PARVB: variants seen among roughly 807,000 people sequenced by gnomAD.
PARVB encodes the protein beta-parvin.
PARVB carries 46 observed loss-of-function variants against 47.0 expected under a neutral mutation model. That is an observed-to-expected ratio of 0.98 (90% confidence interval 0.77 to 1.25). The LOEUF is 1.25. Ranked by LOEUF, PARVB falls within the 50% of genes most tolerant of loss-of-function variation. PARVB has a pLI of 0.00. For synonymous variants in PARVB, 196 were observed against 196.3 expected, an observed-to-expected ratio of 1.00 and a Z score of 0.01; for missense variants, 473 against 471.6, an observed-to-expected ratio of 1.00 and a Z score of -0.03.
At chr22:44,159,200 C>T (rs186125742) in intron 11 of PARVB, among the ~76,000 whole-genome samples, 7 of 152,318 alleles carry the variant, frequency 4.6e-5, no homozygotes, top group Admixed American at 2.0e-4. Context: ...AGCGAAGAAG[C>T]GCATGCATTT....
chr22:44,039,933 GCCT>G (rs917008569), intron 1 of PARVB: 1 of 449,002 alleles, frequency 2.2e-6, no homozygotes, highest in Non-Finnish European at 4.5e-6. Context: ...TTCTGCCTCA[GCCT>G]CCCAAGGAGC....
At chr22:44,066,746 C>G (rs1355555362) in intron 1 of PARVB, among the ~76,000 whole-genome samples, 2 of 133,556 alleles carry the variant, frequency 1.5e-5, no homozygotes, top group African/African-American at 3.0e-5. Flanking sequence ...TGATGAGAAT[C>G]AAATGAAATG....
chr22:44,119,638 T>G, intron 4 of PARVB: 2 of 416,772 alleles, frequency 4.8e-6, no homozygotes, highest in South Asian at 3.5e-5. Context: ...CATGGTTTGA[T>G]GTGCAGACAA....
At chr22:44,082,182 G>A (rs529838708) in intron 1 of PARVB, among the ~76,000 whole-genome samples, 11 of 152,322 alleles carry the variant, frequency 7.2e-5, no homozygotes, top group Middle Eastern at 3.4e-3. Flanking sequence ...GGCACTGGGC[G>A]GTAGGTTCCC....
chr22:44,024,315 C>G lies in PARVB; in HGVS notation c.-25C>G, dbSNP rs1603424127. 9.9e-7 allele frequency: 1 copy of G among 1,014,826 alleles called. No individual in the cohort carries two copies. The highest frequency in any genetic ancestry group is 4.5e-5 in the South Asian group (1 of 22,170). 62.9% of individuals were successfully genotyped at this position (1,014,826 alleles called of 1,614,324 possible). ...CCGGGCGGCTCCACACGCGCTGCGC[C>G]CGCCGCCGGCCCCACGCGCGGCCCA... On this transcript the variant is annotated 5_prime_UTR_variant, in exon 1 of 13. Transcript: ENST00000338758.
chr22:44,006,982 G>C (rs1310021982), intron 2 of PARVB, among the ~76,000 whole-genome samples: 3 of 152,236 alleles, frequency 2.0e-5, no homozygotes, highest in Non-Finnish European at 4.4e-5. Flanking sequence ...GGGAGCCCCA[G>C]ATCAGCTGCT....
chr22:44,140,195 A>T lies in PARVB; in HGVS notation c.712+52A>T, dbSNP rs527428630. On this transcript the variant is annotated intron_variant, in intron 8 of 12. Coordinates refer to ENST00000338758, the MANE Select transcript of PARVB (RefSeq NM_013327.5). The stretch of plus-strand genomic sequence containing the variant: ...GATGGAGGCATGTTAGGGCTCCCCC[A>T]GGAAGCTCCCAGAGAGTGTACATGG... 3 of 1,586,900 alleles carry T rather than the reference A, an allele frequency of 1.9e-6. No individual in the cohort carries two copies. The East Asian group carries it at 6.7e-5, about 35-fold the overall frequency.
chr22:44,062,250 C>A (rs765348883), intron 1 of PARVB, among the ~76,000 whole-genome samples: 2 of 152,138 alleles, frequency 1.3e-5, no homozygotes, highest in Non-Finnish European at 2.9e-5. Flanking sequence ...GAGCCTCAGA[C>A]CCCACAGGTG....
chr22:44,158,255 C>G (rs551185920), intron 11 of PARVB, among the ~76,000 whole-genome samples, 172 bp downstream of exon 11: 6 of 152,286 alleles, frequency 3.9e-5, no homozygotes, highest in African/African-American at 1.4e-4. Context: ...AATAAGAAGC[C>G]CATCAGCCGT....
chr22:44,166,043 G>A (rs1301895281), intron 12 of PARVB, among the ~76,000 whole-genome samples: 1 of 152,224 alleles, frequency 6.6e-6, no homozygotes, highest in Non-Finnish European at 1.5e-5. Flanking sequence ...CGTACCCTCA[G>A]AAGAGCCCCT....
chr22:44,120,822 T>A (rs1441488807), intron 4 of PARVB, among the ~76,000 whole-genome samples: 2 of 151,178 alleles, frequency 1.3e-5, no homozygotes, highest in Non-Finnish European at 2.9e-5. Context: ...ACTACAGATG[T>A]GTACCACCAC....
At chr22:44,025,127 G>T (rs2050707971) in intron 1 of PARVB, among the ~76,000 whole-genome samples, 1 of 152,044 alleles carries the variant, frequency 6.6e-6, no homozygotes, top group South Asian at 2.1e-4. Context: ...CTGCTTGGGT[G>T]GGGAGGTTCT....
At chr22:44,120,715 G>T (rs1468154069) in intron 4 of PARVB, among the ~76,000 whole-genome samples, 1 of 145,426 alleles carries the variant, frequency 6.9e-6, no homozygotes, top group Non-Finnish European at 1.5e-5. Flanking sequence ...TCACTCAGTT[G>T]CCCAGGCTGG....
chr22:44,018,501 G>A (rs1192839446), intron 2 of PARVB, among the ~76,000 whole-genome samples: 2 of 152,142 alleles, frequency 1.3e-5, no homozygotes, highest in Non-Finnish European at 2.9e-5. Context: ...AGAACCCTCT[G>A]AGATCTTCCA....
rs2051173301 is a variant in PARVB, at chr22:44,049,681, G to A, written c.112+25230G>A. 6.6e-6 allele frequency among the ~76,000 whole-genome samples: 1 copy of A among 152,246 alleles called. No individual in the cohort carries two copies. The highest frequency in any genetic ancestry group is 1.5e-5 in the Non-Finnish European group (1 of 68,040). The stretch of plus-strand genomic sequence containing the variant: ...AATTTGAAGCCCTGTTTCTGAGCAT[G>A]TTGCAAGGAACCCTAGGGGCTGCCA... On this transcript the variant is annotated intron_variant, in intron 1 of 12. Coordinates refer to ENST00000338758, the MANE Select transcript of PARVB (RefSeq NM_013327.5). The surrounding 1 kb of genome is among the most constrained non-coding windows in gnomAD (Gnocchi z 4.0).
Position 44,155,075 on chromosome 22 carries a change from T to C in PARVB, c.844-2907T>C, listed in dbSNP as rs1364407510. Among the ~76,000 whole-genome samples, 1 of 149,296 alleles carries C rather than the reference T, an allele frequency of 6.7e-6. No homozygotes were observed. Among genetic ancestry groups the C allele is most frequent in the Non-Finnish European group, 1.5e-5 (1 of 67,732 alleles). ...GTGTGTGTGGTTTTTGTAGTCTGTGTGGTGTGTGTGTGGTGTAGGTGTGTG... is the reference window on the plus strand; with the variant it reads ...GTGTGTGTGGTTTTTGTAGTCTGTGCGGTGTGTGTGTGGTGTAGGTGTGTG... On this transcript the variant is annotated intron_variant, in intron 10 of 12. Coordinates refer to ENST00000338758, the MANE Select transcript of PARVB (RefSeq NM_013327.5). The surrounding 1 kb of genome is among the most constrained non-coding windows in gnomAD (Gnocchi z 4.8).
At chr22:44,093,876 C>A in intron 1 of PARVB, 52 bp from the exon 2 acceptor site, 1 of 1,163,438 alleles carries the variant, frequency 8.6e-7, no homozygotes, top group Non-Finnish European at 1.3e-6. Flanking sequence ...ACATGTGAGG[C>A]CACGGCACTC....
chr22:44,026,126 C>T (rs1042650930), intron 1 of PARVB, among the ~76,000 whole-genome samples: 1 of 152,116 alleles, frequency 6.6e-6, no homozygotes, highest in Admixed American at 6.5e-5. Context: ...TTCTAGGTGC[C>T]GTTTACGCTC....
chr22:44,074,757 G>A (rs576995858), intron 1 of PARVB, among the ~76,000 whole-genome samples: 108 of 152,326 alleles, frequency 7.1e-4, no homozygotes, highest in Admixed American at 3.2e-3. Flanking sequence ...GGCCAGTGTG[G>A]GCGTGGGGGG....
Sources: allele counts gnomAD v4.1 joint callset (sites outside exome capture counted in the v4.1 genomes callset), GRCh38; gene constraint gnomAD v4.1.1; non-coding constraint Gnocchi (gnomAD v3.1); transcripts MANE v1.5; gene names NCBI Gene and HGNC (gene_info 2026-07-23, HGNC 2026-07-21).